STAG2: variants seen among roughly 807,000 people sequenced by gnomAD.
STAG2 encodes the protein cohesin subunit SA-2.
Under a neutral mutation model 108.1 loss-of-function variants are expected in STAG2, and 14 were observed. The observed-to-expected ratio is 0.13, with a 90% CI of 0.09 to 0.20. STAG2 has a LOEUF of 0.20. Ranked by LOEUF, STAG2 falls within the 10% of genes least tolerant of loss-of-function variation. The probability of loss-of-function intolerance (pLI) is 1.00; values close to 1 mark genes in which losing one functional copy is unlikely to be tolerated. For missense variants in STAG2, 440 were observed against 940.9 expected, an observed-to-expected ratio of 0.47 and a Z score of 6.96; for synonymous variants, 307 against 302.7, an observed-to-expected ratio of 1.01 and a Z score of -0.15.
rs1308722584 is a variant in STAG2 at position 124,042,788 on chromosome X, G to T, written c.462+143G>T. 6.1e-5 allele frequency: 27 copies of T among 442,736 alleles called. No individual in the cohort carries two copies. In the East Asian group the frequency reaches 1.1e-3, roughly 18 times the overall value. The allele number at this position is 442,736 out of a possible 1,213,427, so 36.5% of individuals were successfully genotyped here. Reference sequence around the variant, plus strand: ...ACACTTTCAGAGGCCGAGGCAGGCGGATCACCTGAGGTCAGGAGTTCGAGA... The same window carrying T: ...ACACTTTCAGAGGCCGAGGCAGGCGTATCACCTGAGGTCAGGAGTTCGAGA... On this transcript the variant is annotated intron_variant, in intron 7 of 34. Transcript: ENST00000371145.
At chrX:124,023,734 G>T (rs1468659573) in intron 3 of STAG2, among the ~76,000 whole-genome samples, 1 of 111,716 alleles carries the variant, frequency 9.0e-6, no homozygotes, top group African/African-American at 3.2e-5. Flanking sequence ...TTATATACTT[G>T]GTTAGAGACT....
intron 30 of STAG2, among the ~76,000 whole-genome samples, chrX:124,088,709 T>C (rs1324362060): frequency 1.1e-4 from 12 of 105,937 alleles, no homozygotes; most frequent in African/African-American, 3.8e-4. Context: ...CCCCCTCCCT[T>C]GTTCAAGCGA....
At chrX:124,015,865 A>T (rs770606299) in intron 1 of STAG2, among the ~76,000 whole-genome samples, 1 of 111,560 alleles carries the variant, frequency 9.0e-6, no homozygotes, top group Non-Finnish European at 1.9e-5. Context: ...ACCTTTTAGC[A>T]TTCACAACCT....
rs1314565125 is a variant in STAG2, at chrX:124,030,866, C to T, written c.124-95C>T. 5.6e-6 allele frequency: 5 copies of T among 900,162 alleles called. No homozygotes were observed. In the African/African-American group the frequency reaches 8.2e-5, roughly 15 times the overall value. The allele number at this position is 900,162 out of a possible 1,213,427, so 74.2% of individuals were successfully genotyped here. On this transcript the variant is annotated intron_variant, in intron 4 of 34. Coordinates refer to ENST00000371145, the MANE Select transcript of STAG2 (RefSeq NM_001042750.2). ...TGGAATTCTTTAGGGCAAGTTTAAGCATGTTATGTACCCTATCAGCTACTT... is the reference window on the plus strand; with the variant it reads ...TGGAATTCTTTAGGGCAAGTTTAAGTATGTTATGTACCCTATCAGCTACTT...
At position 124,026,855 on chromosome X, in the gene STAG2, ACT is replaced by A. The variant is rs1049394958; in HGVS notation, c.123+942_123+943del. 2.7e-5 allele frequency among the ~76,000 whole-genome samples: 3 copies of A among 109,381 alleles called. No homozygotes were observed. The East Asian group carries it at 8.6e-4, about 31-fold the overall frequency. The allele number at this position is 109,381 out of a possible 115,157, so 95.0% of individuals were successfully genotyped here. ...CAGCTTTCCCATAAGTGACTGTAAA[ACT>A]CTCTTTTATTTTTTTTCTATTTTTT... On this transcript the variant is annotated intron_variant, in intron 4 of 34. Transcript: ENST00000371145.
Position 124,042,001 on chromosome X carries a change from T to C in STAG2, c.386-568T>C, listed in dbSNP as rs773816180. Reference sequence around the variant, plus strand: ...TACTACTTTTGACAGCTTCTTTTTCTTTTTGGTATTCTTTAGTTTTAACTT... The same window carrying C: ...TACTACTTTTGACAGCTTCTTTTTCCTTTTGGTATTCTTTAGTTTTAACTT... On this transcript the variant is annotated intron_variant, in intron 6 of 34. Transcript: ENST00000371145. Among the ~76,000 whole-genome samples the C allele has an allele frequency of 2.7e-5, 3 of 111,370 alleles. No homozygotes were observed. The East Asian group carries it at 8.4e-4, about 31-fold the overall frequency.
intron 1 of STAG2, among the ~76,000 whole-genome samples, chrX:124,009,553 T>C (rs1038164327): frequency 1.8e-5 from 2 of 110,771 alleles, no homozygotes; most frequent in Non-Finnish European, 3.8e-5. Context: ...CATTTTAGGG[T>C]AATTCCTAAA....
In STAG2 at chrX:124,090,783, T is replaced by C. The variant is rs1278252348; in HGVS notation, c.3467+19T>C. The stretch of plus-strand genomic sequence containing the variant: ...ATTATAAGTAAGTACATTTGATCAT[T>C]TTCTGTACTATAACTTTATTAATTA... On this transcript the variant is annotated intron_variant, in intron 31 of 34. Transcript: ENST00000371145. 2 of 1,203,615 alleles carry C rather than the reference T, an allele frequency of 1.7e-6. No individual in the cohort carries two copies. The highest frequency in any genetic ancestry group is 2.2e-6 in the Non-Finnish European group (2 of 889,160).
chrX:123,961,492 G>T (rs933837783), upstream of STAG2: 2 of 110,727 alleles, frequency 1.8e-5, no homozygotes, highest in African/African-American at 6.6e-5. Flanking sequence ...TGTGGTTGGG[G>T]TGGGGGAGAG....
Position 124,100,610 on chromosome X carries a change from A to G in STAG2, c.*13A>G. The G allele has an allele frequency of 1.7e-6, 2 of 1,179,188 alleles. No homozygotes were observed. The highest frequency in any genetic ancestry group is 2.3e-6 in the Non-Finnish European group (2 of 867,767). ...GTCAATGTTTTAATACCAGTACACA[A>G]TTAAATCTGTGGTGAAGTCATTTTC... On this transcript the variant is annotated 3_prime_UTR_variant, in exon 35 of 35. Transcript: ENST00000371145.
At chrX:124,029,617 A>G (rs1160699559) in intron 4 of STAG2, among the ~76,000 whole-genome samples, 1 of 112,397 alleles carries the variant, frequency 8.9e-6, no homozygotes, top group Non-Finnish European at 1.9e-5. Flanking sequence ...GGCTGTTTTT[A>G]TAATTTTAAA....
chrX:124,051,110 T>C lies in STAG2; in HGVS notation c.1018-11T>C, dbSNP rs200923504. The C allele has an allele frequency of 2.3e-4, 201 of 879,591 alleles. 3 individuals carry two copies. The highest frequency in any genetic ancestry group is 2.8e-4 in the Non-Finnish European group (186 of 663,259). 72.5% of individuals were successfully genotyped at this position (879,591 alleles called of 1,213,427 possible). On this transcript the variant is annotated splice_polypyrimidine_tract_variant and intron_variant, in intron 11 of 34. Coordinates refer to ENST00000371145, the MANE Select transcript of STAG2 (RefSeq NM_001042750.2). ...ATGCATTGTCTCATCTTTTTTTTTT[T>C]TTTTTTTTAGCAAGGTGAAGTAAGA... is the stretch of plus-strand genomic sequence containing the variant.
chrX:124,096,791 C>T (rs2148516546), intron 34 of STAG2, among the ~76,000 whole-genome samples: 1 of 112,269 alleles, frequency 8.9e-6, no homozygotes, highest in South Asian at 3.7e-4. Flanking sequence ...ACAATTTCTA[C>T]CATTCCCACC....
chrX:124,072,346 G>A (rs955483897), intron 25 of STAG2, among the ~76,000 whole-genome samples: 3 of 112,046 alleles, frequency 2.7e-5, no homozygotes, highest in African/African-American at 9.7e-5. Flanking sequence ...ATATCAGGGT[G>A]TAAGTATATA....
At chrX:123,968,865 C>T (rs1258334561) in intron 1 of STAG2, among the ~76,000 whole-genome samples, 1 of 111,739 alleles carries the variant, frequency 8.9e-6, no homozygotes, top group Admixed American at 9.5e-5. Flanking sequence ...TTGTCCTCAT[C>T]ATTTTACACG....
chrX:124,000,520 A>C (rs192304300), intron 1 of STAG2, among the ~76,000 whole-genome samples: 81 of 109,824 alleles, frequency 7.4e-4, no homozygotes, highest in African/African-American at 2.5e-3. Context: ...AAAAATACCC[A>C]AAAAAATTAG....
intron 15 of STAG2, among the ~76,000 whole-genome samples, chrX:124,058,567 TGA>T (rs901382263): frequency 8.9e-6 from 1 of 112,791 alleles, no homozygotes; most frequent in Non-Finnish European, 1.9e-5. Flanking sequence ...ACTATTTGTG[TGA>T]CCTTGGTTTA....
At chrX:123,974,856 C>T (rs941400721) in intron 1 of STAG2, among the ~76,000 whole-genome samples, 1 of 111,771 alleles carries the variant, frequency 8.9e-6, no homozygotes, top group Non-Finnish European at 1.9e-5. Flanking sequence ...GGATTACAGG[C>T]ATGAGCCACC....
intron 1 of STAG2, among the ~76,000 whole-genome samples, chrX:123,999,667 AG>A (rs769068365): frequency 9.0e-6 from 1 of 111,277 alleles, no homozygotes; most frequent in East Asian, 2.8e-4. Flanking sequence ...GGTGGAGTGC[AG>A]TGGTGCTATC....
Sources: gnomAD v4.1 joint callset for allele counts (sites outside exome capture counted in the v4.1 genomes callset) on GRCh38, gnomAD v4.1.1 for gene constraint, MANE v1.5 for transcripts, NCBI Gene and HGNC (gene_info 2026-07-23, HGNC 2026-07-21) for gene names.